SGCZ: variants seen among roughly 807,000 people sequenced by gnomAD.
SGCZ encodes zeta-sarcoglycan.
A neutral mutation model predicts 41.3 loss-of-function variants in SGCZ; 40 were observed. The ratio of observed to expected loss-of-function variants is 0.97; its 90% CI spans 0.75 to 1.26. The LOEUF (loss-of-function observed/expected upper bound fraction) is 1.26. Ranked by LOEUF, SGCZ falls within the 50% of genes most tolerant of loss-of-function variation. The pLI, the probability that SGCZ is intolerant of heterozygous loss-of-function variation, is 0.00. For missense variants in SGCZ, 552 were observed against 369.8 expected (o/e 1.49, Z -4.04); for synonymous variants, 206 against 137.5 (o/e 1.50, Z -3.49).
At chr8:15,128,712 T>A (rs1807793982) in intron 1 of SGCZ, among the ~76,000 whole-genome samples, 1 of 152,200 alleles carries the variant, frequency 6.6e-6, no homozygotes, top group African/African-American at 2.4e-5. Context: ...AAAACTTAGA[T>A]AAGAAACAGA....
chr8:14,183,739 G>T (rs7018108), intron 4 of SGCZ, among the ~76,000 whole-genome samples: 1 of 151,912 alleles, frequency 6.6e-6, no homozygotes, highest in Admixed American at 6.6e-5. Context: ...AATATTGAAA[G>T]GTTTCCCTGT....
intron 5 of SGCZ, among the ~76,000 whole-genome samples, chr8:14,117,719 T>A (rs1456896145): frequency 6.6e-6 from 1 of 151,578 alleles, no homozygotes; most frequent in Non-Finnish European, 1.5e-5. Flanking sequence ...TTTCTCCTAA[T>A]GTTATCCCTC....
At chr8:15,010,871 C>A (rs148148800) in intron 1 of SGCZ, among the ~76,000 whole-genome samples, 1 of 152,300 alleles carries the variant, frequency 6.6e-6, no homozygotes, top group African/African-American at 2.4e-5. Flanking sequence ...CAATAATTTG[C>A]ACAGATGCTG....
intron 2 of SGCZ, among the ~76,000 whole-genome samples, chr8:14,414,778 C>A (rs189619148): frequency 6.6e-6 from 1 of 151,740 alleles, no homozygotes; most frequent in Non-Finnish European, 1.5e-5. Flanking sequence ...CATGAAGAGA[C>A]AGGTAAATAA....
chr8:14,460,656 A>T (rs1379180048), intron 2 of SGCZ, among the ~76,000 whole-genome samples: 7 of 152,186 alleles, frequency 4.6e-5, no homozygotes, highest in Non-Finnish European at 1.0e-4. Context: ...AGAGAGACGA[A>T]TTCCAAATCC....
chr8:14,541,017 C>A (rs1803450048), intron 2 of SGCZ, among the ~76,000 whole-genome samples: 1 of 150,202 alleles, frequency 6.7e-6, no homozygotes, highest in African/African-American at 2.4e-5. Context: ...GAGATGAGAA[C>A]ATATATATGT....
intron 2 of SGCZ, among the ~76,000 whole-genome samples, chr8:14,377,044 G>C (rs983049403): frequency 1.3e-5 from 2 of 152,102 alleles, no homozygotes; most frequent in African/African-American, 4.8e-5. Context: ...CCATATCTGA[G>C]CTCATGATAA....
chr8:15,132,199 T>A (rs1234491227), intron 1 of SGCZ, among the ~76,000 whole-genome samples: 1 of 152,106 alleles, frequency 6.6e-6, no homozygotes, highest in Non-Finnish European at 1.5e-5. Flanking sequence ...CCACACACAA[T>A]GGAGTTAAAG....
chr8:14,506,610 T>C (rs896620032), intron 2 of SGCZ, among the ~76,000 whole-genome samples: 1 of 152,232 alleles, frequency 6.6e-6, no homozygotes, highest in Admixed American at 6.5e-5. Flanking sequence ...ATTTTCTTTT[T>C]GTTCCATCTC....
At chr8:14,785,701 G>C (rs1022844871) in intron 1 of SGCZ, among the ~76,000 whole-genome samples, 2 of 152,132 alleles carry the variant, frequency 1.3e-5, no homozygotes, top group African/African-American at 2.4e-5. Context: ...CAGACCATTT[G>C]TTATTTTCTG....
At chr8:14,434,298 G>C (rs1385708554) in intron 2 of SGCZ, among the ~76,000 whole-genome samples, 1 of 152,080 alleles carries the variant, frequency 6.6e-6, no homozygotes. Context: ...TTTATTTCTG[G>C]GTTCTGTATT....
chr8:14,880,645 C>T (rs548283749), intron 1 of SGCZ, among the ~76,000 whole-genome samples: 15 of 152,202 alleles, frequency 9.9e-5, no homozygotes, highest in Admixed American at 3.3e-4. Flanking sequence ...GAGTTCATGT[C>T]GATTGTAGGG....
At chr8:14,104,533 AT>A (rs1563128948) in intron 6 of SGCZ, among the ~76,000 whole-genome samples, 1 of 152,196 alleles carries the variant, frequency 6.6e-6, no homozygotes, top group Non-Finnish European at 1.5e-5. Flanking sequence ...ATTATTAAAT[AT>A]TAAGCAGAAC....
intron 3 of SGCZ, among the ~76,000 whole-genome samples, chr8:14,252,398 T>C (rs1180165352): frequency 6.6e-6 from 1 of 152,202 alleles, no homozygotes; most frequent in Non-Finnish European, 1.5e-5. Context: ...TTGATACATA[T>C]ATATGATGTA....
intron 1 of SGCZ, among the ~76,000 whole-genome samples, chr8:15,209,890 C>A (rs1203519664): frequency 6.6e-6 from 1 of 152,126 alleles, no homozygotes; most frequent in Non-Finnish European, 1.5e-5. Context: ...TTTGCCAAGT[C>A]ATAGGTTTAG....
chr8:14,497,317 T>C (rs1035074473), intron 2 of SGCZ, among the ~76,000 whole-genome samples: 1 of 152,134 alleles, frequency 6.6e-6, no homozygotes, highest in African/African-American at 2.4e-5. Context: ...TGTCTCATGG[T>C]CAGAGAGGGA....
chr8:14,871,611 C>T (rs1804153203), intron 1 of SGCZ, among the ~76,000 whole-genome samples: 1 of 151,962 alleles, frequency 6.6e-6, no homozygotes, highest in Non-Finnish European at 1.5e-5. Flanking sequence ...CGAGACCATC[C>T]TGGCCAACAC....
At chr8:15,165,337 A>G (rs1404221141) in intron 1 of SGCZ, among the ~76,000 whole-genome samples, 3 of 152,150 alleles carry the variant, frequency 2.0e-5, no homozygotes, top group African/African-American at 7.2e-5. Context: ...TGAAGAAAAA[A>G]GCTGTGGAAC....
chr8:14,444,064 C>T (rs1380606697), intron 2 of SGCZ, among the ~76,000 whole-genome samples: 12 of 152,186 alleles, frequency 7.9e-5, no homozygotes, highest in Non-Finnish European at 1.5e-5. Context: ...TGAAAAAATG[C>T]TCATCATCAC....
Sources: gnomAD v4.1 joint callset for allele counts (sites outside exome capture counted in the v4.1 genomes callset) on GRCh38, gnomAD v4.1.1 for gene constraint, MANE v1.5 for transcripts, NCBI Gene and HGNC (gene_info 2026-07-23, HGNC 2026-07-21) for gene names.